Variants in NTNG1 observed in about 807,000 individuals in gnomAD.
The protein encoded by NTNG1 is netrin-G1.
NTNG1 carries 16 observed loss-of-function variants against 54.0 expected under a neutral mutation model. The observed-to-expected ratio is 0.30, with a 90% CI of 0.20 to 0.45. The LOEUF (loss-of-function observed/expected upper bound fraction) is 0.45. Among genes scored for constraint, NTNG1 ranks in the 20% least tolerant of loss-of-function variants. The pLI, the probability that NTNG1 is intolerant of heterozygous loss-of-function variation, is 1.00. For missense variants in NTNG1, 530 were observed against 678.7 expected, an observed-to-expected ratio of 0.78 and a Z score of 2.43; for synonymous variants, 255 against 263.1, an observed-to-expected ratio of 0.97 and a Z score of 0.30.
chr1:107,391,114 G>T (rs1672329373), intron 3 of NTNG1, among the ~76,000 whole-genome samples: 1 of 152,168 alleles, frequency 6.6e-6, no homozygotes, highest in South Asian at 2.1e-4. Flanking sequence ...GTAGGCAGAA[G>T]AAACAGCTTA....
rs528033634 is a variant in NTNG1, at chr1:107,248,415, A to G, written c.247-75867A>G. Among the ~76,000 whole-genome samples the G allele has an allele frequency of 3.6e-4, 55 of 152,328 alleles. No homozygotes were observed. In the South Asian group the frequency reaches 0.011, roughly 30 times the overall value. ...AGGTGGTGAAGCCAGTTTTTGGTTT[A>G]GGAAAGTCTGGGATTTGTAGCTGCC... On this transcript the variant is annotated intron_variant, in intron 2 of 7. Coordinates refer to ENST00000370068, the MANE Select transcript of NTNG1 (RefSeq NM_001113226.3).
rs1053286485 is a variant in NTNG1, at chr1:107,312,054, G to A, written c.247-12228G>A. On this transcript the variant is annotated intron_variant, in intron 2 of 7. Transcript: ENST00000370068. ...AGGGAACATGATACAGTCAGATTTC[G>A]GTTGTAGAAAGATCACTTTAGCAGC... Among the ~76,000 whole-genome samples the A allele has an allele frequency of 5.9e-5, 9 of 152,172 alleles. No homozygotes were observed. In the South Asian group the frequency reaches 1.0e-3, roughly 18 times the overall value.
intron 4 of NTNG1, among the ~76,000 whole-genome samples, chr1:107,402,826 C>T (rs184546361): frequency 1.5e-3 from 229 of 152,244 alleles, no homozygotes; most frequent in African/African-American, 5.1e-3. Context: ...TTCCTGATGG[C>T]TGCAGTCTGG....
At chr1:107,327,867 T>A (rs571313705) in intron 3 of NTNG1, among the ~76,000 whole-genome samples, 196 of 152,266 alleles carry the variant, frequency 1.3e-3, no homozygotes, top group Non-Finnish European at 2.1e-3. Context: ...TGACTGAGCT[T>A]GTGAGATCCA....
chr1:107,262,684 T>C (rs1663435992), intron 2 of NTNG1, among the ~76,000 whole-genome samples: 1 of 152,352 alleles, frequency 6.6e-6, no homozygotes, highest in Non-Finnish European at 1.5e-5. Flanking sequence ...AAATCGCTTA[T>C]GTTGACTTGA....
At chr1:107,166,424 C>T (rs1655797201) in intron 2 of NTNG1, among the ~76,000 whole-genome samples, 1 of 152,076 alleles carries the variant, frequency 6.6e-6, no homozygotes, top group Non-Finnish European at 1.5e-5. Flanking sequence ...TACTTCGCTT[C>T]ATCTCTCTAT....
rs181346446 is a variant in NTNG1, at chr1:107,210,280, C to T, written c.246+61441C>T. ...TTACTCAAGTTCATTTGGAGAATGA[C>T]TTGGAATGGAACAAAAACAAAGCAA... On this transcript the variant is annotated intron_variant, in intron 2 of 7. Transcript: ENST00000370068. Among the ~76,000 whole-genome samples the T allele has an allele frequency of 6.0e-4, 92 of 152,226 alleles. 2 individuals are homozygous for T. In the East Asian group the frequency reaches 0.013, roughly 21 times the overall value.
intron 5 of NTNG1, among the ~76,000 whole-genome samples, chr1:107,419,853 C>T (rs1219411309): frequency 2.0e-5 from 3 of 151,972 alleles, no homozygotes; most frequent in Non-Finnish European, 4.4e-5. Flanking sequence ...GTCCTAGATA[C>T]ATATATTACT....
chr1:107,419,826 G>A (rs913616399), intron 5 of NTNG1, among the ~76,000 whole-genome samples: 9 of 151,972 alleles, frequency 5.9e-5, no homozygotes, highest in African/African-American at 2.2e-4. Flanking sequence ...CTTGATCAGA[G>A]TGATGAAATC....
At chr1:107,467,959 T>TC (rs1677712827) in intron 7 of NTNG1, among the ~76,000 whole-genome samples, 1 of 152,214 alleles carries the variant, frequency 6.6e-6, no homozygotes, top group Admixed American at 6.5e-5. Flanking sequence ...TGACACCAAT[T>TC]CATTTTGCCT....
chr1:107,369,496 CTAAT>C (rs1282800795), intron 3 of NTNG1, among the ~76,000 whole-genome samples: 11 of 152,106 alleles, frequency 7.2e-5, no homozygotes, highest in African/African-American at 2.7e-4. Context: ...TTACTAATAA[CTAAT>C]TGCATTGAAC....
chr1:107,195,852 G>A (rs905034102), intron 2 of NTNG1, among the ~76,000 whole-genome samples: 1 of 151,816 alleles, frequency 6.6e-6, no homozygotes, highest in Non-Finnish European at 1.5e-5. Flanking sequence ...TCCTAGACAC[G>A]CTTTCTAAAA....
Position 107,436,771 on chromosome 1 carries a change from G to C in NTNG1, c.1362G>C (p.Pro454=), listed in dbSNP as rs770103715. The C allele has an allele frequency of 6.2e-7, 1 of 1,613,118 alleles. No homozygotes were observed. The highest frequency in any genetic ancestry group is 1.3e-5 in the African/African-American group (1 of 75,002). The change falls in exon 7 of 8, where the codon CCG becomes CCC. Residue 454 remains proline (P), a synonymous_variant. Transcript: ENST00000370068. ...GGCCTAAGTGTGATGAGTGTCTGCC[G>C]GGAAATTCCTGGCACTACGGCTGTC... ...TTGPKCDECL[P]GNSWHYGCQP...
chr1:107,196,248 T>G (rs1658313354), intron 2 of NTNG1, among the ~76,000 whole-genome samples: 1 of 151,990 alleles, frequency 6.6e-6, no homozygotes, highest in South Asian at 2.1e-4. Flanking sequence ...ACATACCTCT[T>G]TTGACTACCA....
intron 5 of NTNG1, among the ~76,000 whole-genome samples, chr1:107,414,309 A>C (rs944367615): frequency 6.6e-5 from 10 of 152,178 alleles, no homozygotes; most frequent in African/African-American, 2.4e-4. Context: ...ATTGATTTCA[A>C]GTGCGACCAC....
chr1:107,298,766 C>T (rs1666136576), intron 2 of NTNG1, among the ~76,000 whole-genome samples: 1 of 152,122 alleles, frequency 6.6e-6, no homozygotes, highest in African/African-American at 2.4e-5. Flanking sequence ...GTTGATGTGA[C>T]TGAACAAGGG....
At chr1:107,468,877 C>T (rs909668039) in intron 7 of NTNG1, among the ~76,000 whole-genome samples, 1 of 152,114 alleles carries the variant, frequency 6.6e-6, no homozygotes, top group Non-Finnish European at 1.5e-5. Flanking sequence ...GTGGGCGGAT[C>T]ATGAGGTCAG....
At chr1:107,351,756 C>T (rs1310992884) in intron 3 of NTNG1, among the ~76,000 whole-genome samples, 2 of 152,186 alleles carry the variant, frequency 1.3e-5, no homozygotes, top group Non-Finnish European at 2.9e-5. Context: ...CCAGCATTAA[C>T]TCAAAAGTCT....
intron 2 of NTNG1, among the ~76,000 whole-genome samples, chr1:107,303,848 G>T (rs557913083): frequency 6.6e-6 from 1 of 151,998 alleles, no homozygotes; most frequent in Non-Finnish European, 1.5e-5. Context: ...CACCACACCT[G>T]GCTAATTTTT....
Sources: gnomAD v4.1 joint callset for allele counts (sites outside exome capture counted in the v4.1 genomes callset) on GRCh38, gnomAD v4.1.1 for gene constraint, MANE v1.5 for transcripts, NCBI Gene and HGNC (gene_info 2026-07-23, HGNC 2026-07-21) for gene names.